ALK: variants seen among roughly 807,000 people sequenced by gnomAD.
ALK encodes ALK receptor tyrosine kinase, also known as ALK tyrosine kinase receptor.
Under a neutral mutation model 163.1 loss-of-function variants are expected in ALK, and 74 were observed. The ratio of observed to expected loss-of-function variants is 0.45; its 90% CI spans 0.38 to 0.55. The LOEUF (loss-of-function observed/expected upper bound fraction) is 0.55. ALK is among the 20% of genes least tolerant of loss of function. The probability of loss-of-function intolerance (pLI) is 0.00; values close to 1 mark genes in which losing one functional copy is unlikely to be tolerated. For synonymous variants in ALK, 960 were observed against 843.2 expected, an observed-to-expected ratio of 1.14 and a Z score of -2.40; for missense variants, 2,063 against 2,105.3, an observed-to-expected ratio of 0.98 and a Z score of 0.39.
At chr2:29,684,311 C>CCACATACTTTTA (rs1477668622) in intron 3 of ALK, among the ~76,000 whole-genome samples, 2 of 152,218 alleles carry the variant, frequency 1.3e-5, no homozygotes, top group Non-Finnish European at 2.9e-5. Context: ...TATAGATGAT[C>CCACATACTTTTA]TAGTCCCACC....
At chr2:29,848,545 C>G (rs4074252) in intron 1 of ALK, among the ~76,000 whole-genome samples, 1 of 152,036 alleles carries the variant, frequency 6.6e-6, no homozygotes, top group South Asian at 2.1e-4. Context: ...GTTTTAATAC[C>G]TAGCCTGTAA....
In ALK at chr2:29,784,981, C is replaced by T. The variant is rs1488779227; in HGVS notation, c.668-67284G>A. On this transcript the variant is annotated intron_variant, in intron 1 of 28. Coordinates refer to ENST00000389048, the MANE Select transcript of ALK (RefSeq NM_004304.5). ...AGCAGTTTTGAATGTGCCTCTGACA[C>T]AGAAGGGAGGATCAAGTCGAGCTGC... Among the ~76,000 whole-genome samples, 6 of 3,682 alleles carry T rather than the reference C, an allele frequency of 1.6e-3. No individual in the cohort carries two copies. In the Non-Finnish European group the frequency reaches 0.12, roughly 77 times the overall value. The allele number at this position is 3,682 out of a possible 152,430, so 2.4% of individuals were successfully genotyped here. A position where few individuals can be genotyped will look rare whatever the true frequency, so the allele number is the denominator to read the frequency against.
intron 1 of ALK, among the ~76,000 whole-genome samples, chr2:29,832,026 C>T (rs1174242479): frequency 2.6e-5 from 4 of 152,168 alleles, no homozygotes; most frequent in African/African-American, 4.8e-5. Flanking sequence ...CCTCTAGCAA[C>T]AGGAAAGGAA....
chr2:29,496,217 G>T (rs1206910816), intron 4 of ALK, among the ~76,000 whole-genome samples: 2 of 152,216 alleles, frequency 1.3e-5, no homozygotes, highest in Non-Finnish European at 2.9e-5. Context: ...GATAGCATAT[G>T]CTTATAAACA....
chr2:29,675,372 A>AAT (rs1677841317), intron 3 of ALK, among the ~76,000 whole-genome samples: 1 of 152,042 alleles, frequency 6.6e-6, no homozygotes, highest in African/African-American at 2.4e-5. Context: ...GAACTATAAT[A>AAT]ATATTTAAAC....
chr2:29,833,902 G>A (rs747407120), intron 1 of ALK, among the ~76,000 whole-genome samples: 1 of 152,070 alleles, frequency 6.6e-6, no homozygotes, highest in African/African-American at 2.4e-5. Context: ...ATGATTACTC[G>A]AGATCTCTTA....
chr2:29,454,487 CAGTT>C (rs1670900272), intron 4 of ALK, among the ~76,000 whole-genome samples: 1 of 151,982 alleles, frequency 6.6e-6, no homozygotes, highest in Non-Finnish European at 1.5e-5. Flanking sequence ...TTTTGATCCT[CAGTT>C]GGTTGAATCC....
intron 1 of ALK, among the ~76,000 whole-genome samples, chr2:29,873,630 G>C (rs1666631379): frequency 6.6e-6 from 1 of 152,100 alleles, no homozygotes; most frequent in South Asian, 2.1e-4. Flanking sequence ...CCAAATTCTA[G>C]GAAGAGAATT....
At chr2:29,453,014 C>T (rs192976497) in intron 4 of ALK, among the ~76,000 whole-genome samples, 6 of 152,248 alleles carry the variant, frequency 3.9e-5, no homozygotes, top group African/African-American at 1.4e-4. Flanking sequence ...ATGCAGGAAA[C>T]GGGATTGGCT....
At chr2:29,750,617 A>C (rs1680330031) in intron 1 of ALK, among the ~76,000 whole-genome samples, 1 of 136,190 alleles carries the variant, frequency 7.3e-6, no homozygotes, top group Non-Finnish European at 1.5e-5. Flanking sequence ...AGTGGAGTGT[A>C]ACGGAACAGA....
intron 1 of ALK, among the ~76,000 whole-genome samples, chr2:29,764,031 C>A (rs1289291882): frequency 6.6e-6 from 1 of 152,162 alleles, no homozygotes; most frequent in Non-Finnish European, 1.5e-5. Flanking sequence ...AGAGGACAAA[C>A]CCTCAGAGAC....
chr2:29,638,913 C>T (rs1676621758), intron 3 of ALK, among the ~76,000 whole-genome samples: 2 of 152,182 alleles, frequency 1.3e-5, no homozygotes, highest in African/African-American at 4.8e-5. Flanking sequence ...GAGGGACATG[C>T]ATGGCATCCC....
intron 4 of ALK, among the ~76,000 whole-genome samples, chr2:29,501,657 C>T (rs1672191826): frequency 6.6e-6 from 1 of 152,152 alleles, no homozygotes; most frequent in Non-Finnish European, 1.5e-5. Context: ...TCTTGCTAGC[C>T]CTTTTGAAAA....
chr2:29,497,377 A>G (rs1401691954), intron 4 of ALK, among the ~76,000 whole-genome samples: 19 of 152,048 alleles, frequency 1.2e-4, no homozygotes, highest in Admixed American at 7.2e-4. Flanking sequence ...GGTTGGCAAT[A>G]CCTGGCTCCC....
intron 4 of ALK, among the ~76,000 whole-genome samples, chr2:29,472,303 G>A (rs1053919884): frequency 7.2e-5 from 11 of 152,216 alleles, no homozygotes; most frequent in African/African-American, 2.7e-4. Flanking sequence ...GCAGGGGCAA[G>A]CCTTTCTTAC....
chr2:29,454,481 G>A (rs973878703), intron 4 of ALK, among the ~76,000 whole-genome samples: 16 of 151,630 alleles, frequency 1.1e-4, no homozygotes, highest in Admixed American at 5.9e-4. Context: ...TAGTAGTTTT[G>A]ATCCTCAGTT....
intron 3 of ALK, among the ~76,000 whole-genome samples, chr2:29,657,345 G>A (rs1023445838): frequency 1.4e-4 from 21 of 152,096 alleles, no homozygotes; most frequent in African/African-American, 2.9e-4. Flanking sequence ...GCATGACTCC[G>A]AATATGCTAC....
chr2:29,577,725 T>C (rs377712430), intron 3 of ALK, among the ~76,000 whole-genome samples: 1 of 152,344 alleles, frequency 6.6e-6, no homozygotes, highest in African/African-American at 2.4e-5. Context: ...CCAGATGGCC[T>C]AAAACACTGA....
At chr2:29,697,480 T>C (rs1678604327) in intron 2 of ALK, among the ~76,000 whole-genome samples, 3 of 152,172 alleles carry the variant, frequency 2.0e-5, no homozygotes, top group Non-Finnish European at 2.9e-5. Context: ...CAGCTTTTCT[T>C]CCCCTTCCTT....
Sources: gnomAD v4.1 joint callset for allele counts (sites outside exome capture counted in the v4.1 genomes callset) on GRCh38, gnomAD v4.1.1 for gene constraint, MANE v1.5 for transcripts, NCBI Gene and HGNC (gene_info 2026-07-23, HGNC 2026-07-21) for gene names.